The following PMS1 variants were observed in gnomAD, a reference collection of about 807,000 sequenced individuals.
PMS1 encodes the protein PMS1 protein homolog 1.
A neutral mutation model predicts 93.1 loss-of-function variants in PMS1; 79 were observed. That is an observed-to-expected ratio of 0.85 (90% CI 0.71 to 1.02). The LOEUF (loss-of-function observed/expected upper bound fraction) is 1.02, where lower values mean the gene tolerates loss of function less well. Ranked by LOEUF, PMS1 falls within the 50% of genes least tolerant of loss-of-function variation. The probability of loss-of-function intolerance (pLI) is 0.00; values close to 1 mark genes in which losing one functional copy is unlikely to be tolerated. For synonymous variants in PMS1, 335 were observed against 363.4 expected, an observed-to-expected ratio of 0.92 and a Z score of 0.89; for missense variants, 1,064 against 1,085.3, an observed-to-expected ratio of 0.98 and a Z score of 0.28.
Position 189,862,273 on chromosome 2 carries a change from C to T in PMS1, c.1857-1470C>T, listed in dbSNP as rs187322197. 1.9e-3 allele frequency among the ~76,000 whole-genome samples: 296 copies of T among 152,148 alleles called. 2 individuals are homozygous for T. The highest frequency in any genetic ancestry group is 0.01 in the Middle Eastern group (3 of 294). On this transcript the variant is annotated intron_variant, in intron 9 of 12. Transcript: ENST00000441310. ...TCTTTTATCTGCTGTTAAGCCTACC[C>T]GGTGAATATTTAATTTCTGATATTG...
intron 5 of PMS1, among the ~76,000 whole-genome samples, chr2:189,831,885 A>G (rs1040715340): frequency 1.3e-5 from 2 of 151,916 alleles, no homozygotes; most frequent in African/African-American, 4.8e-5. Flanking sequence ...AGGTTCAAGC[A>G]ATTTCTGGTT....
At chr2:189,814,365 G>GA (rs1244072249) in intron 4 of PMS1, among the ~76,000 whole-genome samples, 1 of 151,498 alleles carries the variant, frequency 6.6e-6, no homozygotes, top group Non-Finnish European at 1.5e-5. Flanking sequence ...ACCAGATCAA[G>GA]AAAAAAGCAG....
intron 5 of PMS1, among the ~76,000 whole-genome samples, chr2:189,835,435 C>G (rs2053296869): frequency 6.6e-6 from 1 of 152,132 alleles, no homozygotes; most frequent in Non-Finnish European, 1.5e-5. Context: ...TTAGCAGTGT[C>G]TTAGTGGTAA....
intron 6 of PMS1, among the ~76,000 whole-genome samples, chr2:189,850,094 T>C (rs1382679643): frequency 6.6e-6 from 1 of 152,194 alleles, no homozygotes; most frequent in Non-Finnish European, 1.5e-5. Context: ...CATCTTTAAC[T>C]ACTTTTATGT....
intron 10 of PMS1, among the ~76,000 whole-genome samples, chr2:189,865,586 A>G (rs1351381323): frequency 2.6e-5 from 4 of 152,144 alleles, no homozygotes; most frequent in Non-Finnish European, 5.9e-5. Flanking sequence ...GCCTGAAATA[A>G]TTTTATTATT....
chr2:189,855,061 A>G lies in PMS1; in HGVS notation c.1789A>G (p.Ser597Gly), dbSNP rs1000873046. The G allele has an allele frequency of 6.2e-7, 1 of 1,613,032 alleles. No individual in the cohort carries two copies. Among genetic ancestry groups the G allele is most frequent in the Non-Finnish European group, 8.5e-7 (1 of 1,179,102 alleles). ...PQFLIENPKT[S>G]LEDATLQIEE... ...GTTTCTCATAGAAAATCCTAAGACTAGTTTAGAGGATGCAACACTACAAAT... is the reference window on the plus strand; with the variant it reads ...GTTTCTCATAGAAAATCCTAAGACTGGTTTAGAGGATGCAACACTACAAAT... Residue 597 changes from serine to glycine, a missense_variant, in exon 9 of 13, where the codon AGT (serine) becomes GGT (glycine). Physicochemically the swap from Ser to Gly is moderately conservative, Grantham distance 56 (BLOSUM62 0). Transcript: ENST00000441310.
At chr2:189,849,388 A>G (rs1032798182) in intron 6 of PMS1, among the ~76,000 whole-genome samples, 1 of 152,042 alleles carries the variant, frequency 6.6e-6, no homozygotes, top group Non-Finnish European at 1.5e-5. Context: ...TTGTTTTCAT[A>G]TTCTTCTCTT....
chr2:189,827,876 G>C (rs769918830), intron 5 of PMS1, among the ~76,000 whole-genome samples: 5 of 151,928 alleles, frequency 3.3e-5, no homozygotes, highest in Admixed American at 1.3e-4. Context: ...TGGAGGGGTT[G>C]GTCCATGGGG....
intron 1 of PMS1, among the ~76,000 whole-genome samples, chr2:189,790,853 A>G (rs2048801592): frequency 6.6e-6 from 1 of 152,188 alleles, no homozygotes; most frequent in South Asian, 2.1e-4. Flanking sequence ...TTAGGAGTTG[A>G]TTAGATTTGA....
rs550756098 is a variant in PMS1, at chr2:189,853,504, T to G, written c.823-435T>G. On this transcript the variant is annotated intron_variant, in intron 7 of 12. Transcript: ENST00000441310. ...AAAGGAGTATTACAGATAATGCTTT[T>G]CTTTTCTTTTCTTTTCTTTTTTTTT... 2.8e-5 allele frequency among the ~76,000 whole-genome samples: 4 copies of G among 142,458 alleles called. No homozygotes were observed. In the South Asian group the frequency reaches 6.3e-4, roughly 22 times the overall value. The allele number at this position is 142,458 out of a possible 152,430, so 93.5% of individuals were successfully genotyped here.
At chr2:189,814,829 G>T (rs1041232144) in intron 4 of PMS1, among the ~76,000 whole-genome samples, 2 of 152,170 alleles carry the variant, frequency 1.3e-5, no homozygotes, top group Admixed American at 1.3e-4. Context: ...CAGGCGCTGT[G>T]GCTGACGCCT....
chr2:189,827,432 A>G (rs1332031662), intron 5 of PMS1, among the ~76,000 whole-genome samples: 1 of 152,166 alleles, frequency 6.6e-6, no homozygotes, highest in Non-Finnish European at 1.5e-5. Flanking sequence ...GTATATCTTG[A>G]GCACTTCATT....
chr2:189,838,852 G>A (rs1177917607), intron 5 of PMS1, among the ~76,000 whole-genome samples: 1 of 152,218 alleles, frequency 6.6e-6, no homozygotes, highest in Non-Finnish European at 1.5e-5. Context: ...GAAAGCTGTA[G>A]CATGATAGCT....
intron 5 of PMS1, among the ~76,000 whole-genome samples, chr2:189,842,439 G>C (rs1009361375): frequency 3.3e-5 from 5 of 152,192 alleles, no homozygotes; most frequent in African/African-American, 9.6e-5. Flanking sequence ...TTTCTCAAGG[G>C]ATTTGACTGT....
Position 189,815,623 on chromosome 2 carries a change from A to G in PMS1, c.419-2394A>G, listed in dbSNP as rs530844944. On this transcript the variant is annotated intron_variant, in intron 4 of 12. Coordinates refer to ENST00000441310, the MANE Select transcript of PMS1 (RefSeq NM_000534.5). Reference sequence around the variant, plus strand: ...TCCTGAGGCCTCCCAGCCATGTGGAACTGTGAGTCAATTAAACCTCCTTTG... The same window carrying G: ...TCCTGAGGCCTCCCAGCCATGTGGAGCTGTGAGTCAATTAAACCTCCTTTG... Among the ~76,000 whole-genome samples, 65 of 152,268 alleles carry G rather than the reference A, an allele frequency of 4.3e-4. No homozygotes were observed. The Middle Eastern group carries it at 0.024, about 56-fold the overall frequency.
chr2:189,854,603 T>C lies in PMS1; in HGVS notation c.1331T>C (p.Val444Ala). Reference sequence around the variant, plus strand: ...TTTCAGGACATTTCAATGAGTAATGTATCATGGGAGAACTCTCAGACGGAA... The same window carrying C: ...TTTCAGGACATTTCAATGAGTAATGCATCATGGGAGAACTCTCAGACGGAA... ...NAFQDISMSN[V>A]SWENSQTEYS... Residue 444 changes from valine (V) to alanine (A), a missense_variant, in exon 9 of 13, where the codon GTA becomes GCA. Val to Ala is a moderately conservative substitution (Grantham distance 64, BLOSUM62 0). Coordinates refer to ENST00000441310, the MANE Select transcript of PMS1 (RefSeq NM_000534.5). 6.2e-7 allele frequency: 1 copy of C among 1,613,872 alleles called. No individual in the cohort carries two copies. The highest frequency in any genetic ancestry group is 8.5e-7 in the Non-Finnish European group (1 of 1,179,832).
chr2:189,869,799 C>A (rs751893072), intron 11 of PMS1, among the ~76,000 whole-genome samples: 1 of 147,978 alleles, frequency 6.8e-6, no homozygotes, highest in African/African-American at 2.5e-5. Context: ...CCTGCATGAC[C>A]GAGTGAGACT....
chr2:189,790,895 G>GT (rs2048805625), intron 1 of PMS1, among the ~76,000 whole-genome samples: 1 of 152,194 alleles, frequency 6.6e-6, no homozygotes, highest in African/African-American at 2.4e-5. Context: ...CTGTAGGAAA[G>GT]TTGTGGGTTT....
Position 189,800,288 on chromosome 2 carries a change from A to G in PMS1, c.315+4337A>G, listed in dbSNP as rs556804991. ...TACCTCTTTACTAGCATGATTAGAA[A>G]TGTATTTATAAAGTTTAAAAATACT... On this transcript the variant is annotated intron_variant, in intron 3 of 12. Transcript: ENST00000441310. Among the ~76,000 whole-genome samples the G allele has an allele frequency of 5.3e-5, 8 of 152,322 alleles. 1 individual carries two copies. In the East Asian group the frequency reaches 1.5e-3, roughly 29 times the overall value.
Sources: allele counts gnomAD v4.1 joint callset (sites outside exome capture counted in the v4.1 genomes callset), GRCh38; gene constraint gnomAD v4.1.1; transcripts MANE v1.5; gene names NCBI Gene and HGNC (gene_info 2026-07-23, HGNC 2026-07-21).